PSD3: variants seen among roughly 807,000 people sequenced by gnomAD.
The protein encoded by PSD3 is PH and SEC7 domain-containing protein 3.
PSD3 carries 49 observed loss-of-function variants against 105.5 expected under a neutral mutation model. The observed-to-expected ratio is 0.46, with a 90% confidence interval of 0.37 to 0.59. The LOEUF (loss-of-function observed/expected upper bound fraction) is 0.59. Among genes scored for constraint, PSD3 ranks in the 20% least tolerant of loss-of-function variants. The probability of loss-of-function intolerance (pLI) is 0.00; values close to 1 mark genes in which losing one functional copy is unlikely to be tolerated. For missense variants in PSD3, 1,561 were observed against 1,263.8 expected (o/e 1.24, Z -3.57); for synonymous variants, 557 against 457.8 (o/e 1.22, Z -2.77).
At chr8:18,622,098 T>A (rs1294189432) in intron 11 of PSD3, among the ~76,000 whole-genome samples, 1 of 152,170 alleles carries the variant, frequency 6.6e-6, no homozygotes, top group Non-Finnish European at 1.5e-5. Context: ...TCCACAGTAT[T>A]TACAATGAGA....
At chr8:18,621,775 T>A (rs1806126455) in intron 11 of PSD3, among the ~76,000 whole-genome samples, 1 of 152,188 alleles carries the variant, frequency 6.6e-6, no homozygotes, top group Non-Finnish European at 1.5e-5. Context: ...AATAATTGCT[T>A]GGCTTTGCCT....
intron 9 of PSD3, among the ~76,000 whole-genome samples, chr8:18,682,092 A>G (rs1227320947): frequency 1.3e-5 from 2 of 152,222 alleles, no homozygotes; most frequent in Non-Finnish European, 2.9e-5. Flanking sequence ...CACAGAGGAC[A>G]GTAGAGAATC....
At chr8:18,934,572 G>A (rs1260842286) in intron 2 of PSD3, among the ~76,000 whole-genome samples, 4 of 151,970 alleles carry the variant, frequency 2.6e-5, no homozygotes, top group South Asian at 2.1e-4. Context: ...CACCGCGCCC[G>A]GCTAATTTTT....
At chr8:19,017,358 A>G (rs1325566405), upstream of PSD3, among the ~76,000 whole-genome samples, 1 of 152,026 alleles carries the variant, frequency 6.6e-6, no homozygotes, top group African/African-American at 2.4e-5. Flanking sequence ...CTGGCTACAT[A>G]CTCTTGATAA....
At chr8:19,022,145 C>G (rs1827384243) in intron 1 of PSD3, among the ~76,000 whole-genome samples, 1 of 152,158 alleles carries the variant, frequency 6.6e-6, no homozygotes, top group African/African-American at 2.4e-5. Flanking sequence ...CATGTGAACT[C>G]AGAGCAAGAA....
rs962838301 is a variant in PSD3, at chr8:18,872,642, C to T, written c.222G>A (p.Arg74=). 5 of 1,613,006 alleles carry T rather than the reference C, an allele frequency of 3.1e-6. No homozygotes were observed. Among genetic ancestry groups the T allele is most frequent in the Non-Finnish European group, 4.2e-6 (5 of 1,179,786 alleles). Reference sequence around the variant, plus strand: ...CCTCACCATCAAATTCCAGAGAAGCCCTTAGGCCTTCTCCACCTTCCTCCA... The same window carrying T: ...CCTCACCATCAAATTCCAGAGAAGCTCTTAGGCCTTCTCCACCTTCCTCCA... ...GTMEEGGEGL[R]ASLEFDGEAL... Residue 74 remains arginine (R), a synonymous_variant, in exon 3 of 16, where the codon AGG becomes AGA. Transcript: ENST00000327040.
chr8:18,827,439 G>A (rs1028376076), intron 4 of PSD3, among the ~76,000 whole-genome samples: 1 of 152,194 alleles, frequency 6.6e-6, no homozygotes, highest in Non-Finnish European at 1.5e-5. Context: ...CAGTCAGAGA[G>A]GGGCGTGGAA....
chr8:18,561,899 C>G (rs1399200928), intron 14 of PSD3, among the ~76,000 whole-genome samples: 1 of 152,096 alleles, frequency 6.6e-6, no homozygotes, highest in Admixed American at 6.5e-5. Flanking sequence ...TCCTTCTCCC[C>G]CGGTGCAAAG....
intron 1 of PSD3, among the ~76,000 whole-genome samples, chr8:19,058,553 AC>A (rs1391616452): frequency 6.6e-6 from 1 of 151,456 alleles, no homozygotes; most frequent in Non-Finnish European, 1.5e-5. Context: ...ACATACACAC[AC>A]ACAGACACAA....
In PSD3 at chr8:18,528,377, A is replaced by G. The variant is rs2129835666; in HGVS notation, c.*7366T>C. On this transcript the variant is annotated 3_prime_UTR_variant, in exon 16 of 16. Transcript: ENST00000327040. ...GTGCCAGTTTGTTTTTTGCAAAGGTAAAATACGTGGTGTTAACTTCACTCA... is the reference window on the plus strand; with the variant it reads ...GTGCCAGTTTGTTTTTTGCAAAGGTGAAATACGTGGTGTTAACTTCACTCA... The G allele has an allele frequency of 6.6e-6, 1 of 152,370 alleles. No homozygotes were observed. Among genetic ancestry groups the G allele is most frequent in the African/African-American group, 2.4e-5 (1 of 41,584 alleles). 9.4% of individuals were successfully genotyped at this position (152,370 alleles called of 1,614,324 possible). A position where few individuals can be genotyped will look rare whatever the true frequency, so the allele number is the denominator to read the frequency against.
At chr8:18,879,565 C>T (rs1817981553) in intron 2 of PSD3, among the ~76,000 whole-genome samples, 1 of 152,072 alleles carries the variant, frequency 6.6e-6, no homozygotes, top group Non-Finnish European at 1.5e-5. Flanking sequence ...GGACACTGAA[C>T]CGTGAGAGAT....
Position 18,699,705 on chromosome 8 carries a change from A to T in PSD3, c.2173-44020T>A, listed in dbSNP as rs928610238. On this transcript the variant is annotated intron_variant, in intron 9 of 15. Coordinates refer to ENST00000327040, the MANE Select transcript of PSD3 (RefSeq NM_015310.4). The stretch of plus-strand genomic sequence containing the variant: ...AAAAGAATTCAAATGATATAAAAAT[A>T]AATTAATTATAAACTTTTGGATAGG... 2.0e-5 allele frequency among the ~76,000 whole-genome samples: 3 copies of T among 152,270 alleles called. No individual in the cohort carries two copies. The South Asian group carries it at 6.2e-4, about 32-fold the overall frequency.
At chr8:18,741,867 C>G (rs1440834984) in intron 9 of PSD3, among the ~76,000 whole-genome samples, 1 of 132,900 alleles carries the variant, frequency 7.5e-6, no homozygotes, top group East Asian at 2.2e-4. Context: ...CTGTTGCAAA[C>G]AGAATAAAAA....
At chr8:18,966,391 G>C (rs563152297) in intron 1 of PSD3, among the ~76,000 whole-genome samples, 1 of 151,936 alleles carries the variant, frequency 6.6e-6, no homozygotes, top group African/African-American at 2.4e-5. Context: ...CCAACACTGC[G>C]AAATCCCCAT....
chr8:18,987,681 G>A (rs1825577954), intron 1 of PSD3, among the ~76,000 whole-genome samples: 1 of 152,098 alleles, frequency 6.6e-6, no homozygotes, highest in Non-Finnish European at 1.5e-5. Flanking sequence ...TCAGCCAGGT[G>A]TGGTGGCACG....
intron 4 of PSD3, among the ~76,000 whole-genome samples, chr8:18,847,352 T>C (rs1158109892): frequency 1.3e-5 from 2 of 152,128 alleles, no homozygotes; most frequent in African/African-American, 4.8e-5. Context: ...GAAAGAACAA[T>C]GCAAAACGTC....
At chr8:19,047,939 T>C (rs1298989032) in intron 1 of PSD3, among the ~76,000 whole-genome samples, 1 of 151,978 alleles carries the variant, frequency 6.6e-6, no homozygotes, top group East Asian at 1.9e-4. Flanking sequence ...CCTGGCTAGA[T>C]TTCTTTTTTT....
At position 18,840,256 on chromosome 8, in the gene PSD3, G is replaced by A. The variant is rs531537481; in HGVS notation, c.1634+27418C>T. On this transcript the variant is annotated intron_variant, in intron 4 of 15. Transcript: ENST00000327040. The stretch of plus-strand genomic sequence containing the variant: ...AGCCTCAAACCCTCAATCACTCTGA[G>A]TAATAGGTGGGGAAGTTGTGTGGGG... Among the ~76,000 whole-genome samples the A allele has an allele frequency of 7.2e-5, 11 of 152,100 alleles. No individual in the cohort carries two copies. The South Asian group carries it at 2.1e-3, about 29-fold the overall frequency.
chr8:19,071,575 G>C (rs1055579798), intron 1 of PSD3, among the ~76,000 whole-genome samples: 5 of 152,206 alleles, frequency 3.3e-5, no homozygotes, highest in Non-Finnish European at 5.9e-5. Context: ...GGAAAGCGGG[G>C]AGAAAGACAA....
Sources: gnomAD v4.1 joint callset for allele counts (sites outside exome capture counted in the v4.1 genomes callset) on GRCh38, gnomAD v4.1.1 for gene constraint, MANE v1.5 for transcripts, NCBI Gene and HGNC (gene_info 2026-07-23, HGNC 2026-07-21) for gene names.